The following RPTOR variants were observed in gnomAD, a reference collection of about 807,000 sequenced individuals.
RPTOR encodes regulatory associated protein of MTOR complex 1.
RPTOR carries 21 observed loss-of-function variants against 169.9 expected under a neutral mutation model. The observed-to-expected ratio is 0.12, with a 90% CI of 0.09 to 0.18. RPTOR has a LOEUF of 0.18. Ranked by LOEUF, RPTOR falls within the 10% of genes least tolerant of loss-of-function variation. The pLI is 1.00. For missense variants in RPTOR, 1,133 were observed against 1,855.9 expected (o/e 0.61, Z 7.16); for synonymous variants, 732 against 753.2 (o/e 0.97, Z 0.46).
Position 80,592,865 on chromosome 17 carries a change from G to A in RPTOR, c.163-32826G>A, listed in dbSNP as rs972308296. 7.2e-5 allele frequency among the ~76,000 whole-genome samples: 11 copies of A among 152,320 alleles called. No individual in the cohort carries two copies. The South Asian group carries it at 1.7e-3, about 23-fold the overall frequency. ...TGCTAGGACAGGCCTGCGTTTCCCT[G>A]GCGCCTGGATCTGCACTGATGGCGG... On this transcript the variant is annotated intron_variant, in intron 1 of 33. Transcript: ENST00000306801.
At position 80,803,193 on chromosome 17, in the gene RPTOR, A is replaced by G. The variant is rs1407194407; in HGVS notation, c.890+11684A>G. 1 of 152,288 alleles carries G rather than the reference A, an allele frequency of 6.6e-6. No individual in the cohort carries two copies. The highest frequency in any genetic ancestry group is 1.5e-5 in the Non-Finnish European group (1 of 68,088). The allele number at this position is 152,288 out of a possible 1,614,324, so 9.4% of individuals were successfully genotyped here. On this transcript the variant is annotated intron_variant, in intron 7 of 33. Transcript: ENST00000306801. The surrounding 1 kb of genome is among the most constrained non-coding windows in gnomAD (Gnocchi z 6.2). ...GCAGTGTGGCGTGAGGCGCCAGCAT[A>G]ACCGGGGACCCCGGGTGTGTGGTGG...
chr17:80,711,908 T>C (rs1029762124), intron 4 of RPTOR, among the ~76,000 whole-genome samples: 1 of 151,960 alleles, frequency 6.6e-6, no homozygotes, highest in African/African-American at 2.4e-5. Context: ...CACGCCCGGC[T>C]AATATTTGTA....
At chr17:80,925,300 T>C (rs186184536) in intron 23 of RPTOR, 70 bp from the exon 24 acceptor site, 19 of 1,363,306 alleles carry the variant, frequency 1.4e-5, no homozygotes, top group Non-Finnish European at 1.8e-5. Flanking sequence ...TGCAGCTCTT[T>C]TGAGCTCAGG....
At chr17:80,930,895 C>A (rs181843795) in intron 24 of RPTOR, among the ~76,000 whole-genome samples, 6 of 152,360 alleles carry the variant, frequency 3.9e-5, no homozygotes, top group African/African-American at 1.2e-4. Context: ...GCTGTAGTGC[C>A]AGCGCCTGTC....
At chr17:80,818,419 G>C (rs1479679593) in intron 7 of RPTOR, among the ~76,000 whole-genome samples, 2 of 152,126 alleles carry the variant, frequency 1.3e-5, no homozygotes, top group Non-Finnish European at 2.9e-5. Flanking sequence ...ACACCAATAG[G>C]CTTCTTCTGT....
intron 5 of RPTOR, among the ~76,000 whole-genome samples, chr17:80,741,864 G>C (rs564859732): frequency 6.6e-6 from 1 of 152,284 alleles, no homozygotes; most frequent in Admixed American, 6.5e-5. Context: ...GGGAAAAGGA[G>C]AGGCACTGAC....
chr17:80,796,126 CA>C (rs751757537), intron 7 of RPTOR, among the ~76,000 whole-genome samples: 12 of 152,208 alleles, frequency 7.9e-5, no homozygotes, highest in Non-Finnish European at 1.5e-4. Flanking sequence ...AGTCCATTCT[CA>C]CACTGCTGTC....
chr17:80,784,362 T>C (rs1322085093), intron 6 of RPTOR, among the ~76,000 whole-genome samples: 1 of 152,222 alleles, frequency 6.6e-6, no homozygotes, highest in Admixed American at 6.5e-5. Flanking sequence ...AATGAAATGC[T>C]GAGAGTTGAA....
rs572936786 is a variant in RPTOR at position 80,964,028 on chromosome 17, G to GA, written c.3940-228dup. 2.7e-4 allele frequency among the ~76,000 whole-genome samples: 41 copies of GA among 152,254 alleles called. No homozygotes were observed. The South Asian group carries it at 4.4e-3, about 16-fold the overall frequency. Reference sequence around the variant, plus strand: ...CAGAGCTGCCCCGTGGGGCAGTCCTGAAAAAACCACGCAGGGCCCGGGGCA... The same window carrying GA: ...CAGAGCTGCCCCGTGGGGCAGTCCTGAAAAAAACCACGCAGGGCCCGGGGCA... On this transcript the variant is annotated intron_variant, in intron 33 of 33. Coordinates refer to ENST00000306801, the MANE Select transcript of RPTOR (RefSeq NM_020761.3).
Position 80,734,001 on chromosome 17 carries a change from C to A in RPTOR, c.654+3295C>A, listed in dbSNP as rs1484315824. On this transcript the variant is annotated intron_variant, in intron 5 of 33. Coordinates refer to ENST00000306801, the MANE Select transcript of RPTOR (RefSeq NM_020761.3). Reference sequence around the variant, plus strand: ...ATCTGCACTTTCTGTGATTGTCTTTCGTTCTCTGACCACGATTAACACCTC... The same window carrying A: ...ATCTGCACTTTCTGTGATTGTCTTTAGTTCTCTGACCACGATTAACACCTC... 2.0e-5 allele frequency among the ~76,000 whole-genome samples: 3 copies of A among 152,142 alleles called. No homozygotes were observed. The South Asian group carries it at 6.2e-4, about 32-fold the overall frequency.
chr17:80,866,818 G>A lies in RPTOR; in HGVS notation c.1509+8918G>A, dbSNP rs71389777. ...TAGTTTTGAACTTCTGGGCTCCAGC[G>A]ATGCTTCCACCTTGGCCTCCCAAAG... On this transcript the variant is annotated intron_variant, in intron 13 of 33. Transcript: ENST00000306801. 6.8e-4 allele frequency among the ~76,000 whole-genome samples: 104 copies of A among 152,158 alleles called. 1 individual carries two copies. Among genetic ancestry groups the A allele is most frequent in the South Asian group, 4.8e-3 (23 of 4,824 alleles).
chr17:80,841,385 C>T (rs542628524), intron 10 of RPTOR, among the ~76,000 whole-genome samples: 3 of 125,072 alleles, frequency 2.4e-5, no homozygotes, highest in African/African-American at 3.2e-5. Context: ...ACTCACCGCA[C>T]GGCAGCTCAC....
intron 4 of RPTOR, among the ~76,000 whole-genome samples, chr17:80,718,461 A>C (rs2066257800): frequency 6.6e-6 from 1 of 152,226 alleles, no homozygotes; most frequent in Non-Finnish European, 1.5e-5. Flanking sequence ...AGTCTAGCTT[A>C]AAGCCGAATT....
intron 17 of RPTOR, among the ~76,000 whole-genome samples, chr17:80,885,860 G>C (rs1404058543): frequency 6.6e-6 from 1 of 152,224 alleles, no homozygotes; most frequent in Non-Finnish European, 1.5e-5. Context: ...TTATAAACTT[G>C]AAAACTTACT....
chr17:80,917,861 C>T (rs1383333344), intron 21 of RPTOR, among the ~76,000 whole-genome samples: 2 of 152,166 alleles, frequency 1.3e-5, no homozygotes, highest in Non-Finnish European at 1.5e-5. Context: ...CCGTGCTGCC[C>T]ATCCCACCCC....
chr17:80,567,838 C>T (rs1350238942), intron 1 of RPTOR, among the ~76,000 whole-genome samples: 3 of 144,598 alleles, frequency 2.1e-5, no homozygotes, highest in African/African-American at 7.4e-5. Flanking sequence ...AAATAAAAGT[C>T]CATTATCTTA....
At chr17:80,680,738 T>G (rs2065891950) in intron 3 of RPTOR, among the ~76,000 whole-genome samples, 1 of 151,978 alleles carries the variant, frequency 6.6e-6, no homozygotes, top group Non-Finnish European at 1.5e-5. Context: ...TATTGCATCT[T>G]GTATGCTGCA....
chr17:80,888,261 C>T (rs560903082), intron 17 of RPTOR, among the ~76,000 whole-genome samples: 3 of 152,314 alleles, frequency 2.0e-5, no homozygotes, highest in African/African-American at 4.8e-5. Flanking sequence ...ACCACAGGCG[C>T]GTGCCACCAT....
At chr17:80,871,705 A>C (rs2068054463) in intron 13 of RPTOR, among the ~76,000 whole-genome samples, 1 of 152,000 alleles carries the variant, frequency 6.6e-6, no homozygotes, top group African/African-American at 2.4e-5. Flanking sequence ...TAGTTCTTTT[A>C]ATTTCCTCTT....
Sources: gnomAD v4.1 joint callset for allele counts (sites outside exome capture counted in the v4.1 genomes callset) on GRCh38, gnomAD v4.1.1 for gene constraint, Gnocchi (gnomAD v3.1) non-coding constraint, MANE v1.5 for transcripts, NCBI Gene and HGNC (gene_info 2026-07-23, HGNC 2026-07-21) for gene names.